Variants in RANBP17 observed in about 807,000 individuals in gnomAD.
RANBP17 encodes the protein RAN binding protein 17.
Under a neutral mutation model 141.2 loss-of-function variants are expected in RANBP17, and 158 were observed. The observed-to-expected ratio is 1.12, with a 90% CI of 0.98 to 1.28. The LOEUF (loss-of-function observed/expected upper bound fraction) is 1.28. RANBP17 is among the 50% of genes most tolerant of loss of function. RANBP17 has a pLI of 0.00. For missense variants in RANBP17, 1,438 were observed against 1,290.7 expected, an observed-to-expected ratio of 1.11 and a Z score of -1.75; for synonymous variants, 430 against 450.0, an observed-to-expected ratio of 0.96 and a Z score of 0.56.
chr5:171,229,080 C>T (rs1347964202), intron 22 of RANBP17, among the ~76,000 whole-genome samples: 1 of 152,148 alleles, frequency 6.6e-6, no homozygotes. Context: ...CTAAATAATT[C>T]ATTGGTCTTG....
intron 14 of RANBP17, among the ~76,000 whole-genome samples, chr5:170,999,155 C>T (rs1348903138): frequency 6.6e-6 from 1 of 151,872 alleles, no homozygotes; most frequent in Non-Finnish European, 1.5e-5. Flanking sequence ...TAAATCATTG[C>T]ATTAATTGAT....
At chr5:170,896,003 C>G (rs1369297767) in intron 4 of RANBP17, 47 bp from the exon 5 acceptor site, 2 of 1,175,248 alleles carry the variant, frequency 1.7e-6, no homozygotes, top group Non-Finnish European at 2.4e-6. Flanking sequence ...CATTAAGAAC[C>G]AATCACTTGT....
At chr5:170,953,506 A>G (rs1775364535) in intron 12 of RANBP17, 91 bp from the exon 13 acceptor site, 2 of 753,720 alleles carry the variant, frequency 2.7e-6, no homozygotes, top group Non-Finnish European at 4.5e-6. Flanking sequence ...TTGGAAGAAC[A>G]GATCATTGTG....
At chr5:171,238,816 T>G (rs1764697226) in intron 22 of RANBP17, among the ~76,000 whole-genome samples, 1 of 152,206 alleles carries the variant, frequency 6.6e-6, no homozygotes, top group Admixed American at 6.5e-5. Context: ...ATGTGGCAAC[T>G]TCAATTATCC....
intron 14 of RANBP17, among the ~76,000 whole-genome samples, chr5:171,068,011 T>A (rs1173106532): frequency 6.6e-6 from 1 of 152,106 alleles, no homozygotes; most frequent in East Asian, 1.9e-4. Context: ...ATTCTCATAA[T>A]GTGTAAGTTG....
intron 12 of RANBP17, among the ~76,000 whole-genome samples, chr5:170,933,820 T>A (rs1428716251): frequency 2.6e-5 from 4 of 152,120 alleles, no homozygotes; most frequent in African/African-American, 9.7e-5. Context: ...TGCTGAGGAG[T>A]GCTTTACTTC....
chr5:171,039,708 G>A (rs1902791), intron 14 of RANBP17, among the ~76,000 whole-genome samples: 104,388 of 151,826 alleles, frequency 0.69, 36,047 homozygotes, highest in South Asian at 0.89. Context: ...ATCTGATCCC[G>A]GAAAAATACA....
rs550651870 is a variant in RANBP17, at chr5:171,004,768, G to A, written c.1710+36391G>A. 2.6e-5 allele frequency among the ~76,000 whole-genome samples: 4 copies of A among 152,246 alleles called. No individual in the cohort carries two copies. In the South Asian group the frequency reaches 8.3e-4, roughly 32 times the overall value. On this transcript the variant is annotated intron_variant, in intron 14 of 27. Coordinates refer to ENST00000523189, the MANE Select transcript of RANBP17 (RefSeq NM_022897.5). The stretch of plus-strand genomic sequence containing the variant: ...TCGGACAGTCTGACCTCCAGCGGGG[G>A]CCCACACAGACAGGGCACGGCTTAG...
At chr5:170,998,001 G>A (rs1778935079) in intron 14 of RANBP17, among the ~76,000 whole-genome samples, 1 of 151,588 alleles carries the variant, frequency 6.6e-6, no homozygotes, top group Admixed American at 6.6e-5. Context: ...TGTAATCCCA[G>A]CACTTTGGGA....
At chr5:170,967,950 T>C (rs1357165716) in intron 13 of RANBP17, among the ~76,000 whole-genome samples, 1 of 151,852 alleles carries the variant, frequency 6.6e-6, no homozygotes, top group African/African-American at 2.4e-5. Flanking sequence ...ATGCCATGCA[T>C]TTATTTTATC....
intron 12 of RANBP17, among the ~76,000 whole-genome samples, chr5:170,939,063 T>A (rs1774113443): frequency 6.6e-6 from 1 of 151,988 alleles, no homozygotes; most frequent in South Asian, 2.1e-4. Context: ...TAAACTGGAC[T>A]GATAACTCAA....
intron 14 of RANBP17, among the ~76,000 whole-genome samples, chr5:171,020,156 T>A (rs192768582): frequency 6.6e-6 from 1 of 152,332 alleles, no homozygotes; most frequent in East Asian, 1.9e-4. Flanking sequence ...TTCCGTTCTT[T>A]TGCATTTGCT....
chr5:171,273,128 T>C (rs1767233254), intron 25 of RANBP17, among the ~76,000 whole-genome samples: 1 of 152,240 alleles, frequency 6.6e-6, no homozygotes, highest in Admixed American at 6.5e-5. Flanking sequence ...TGTGAAATGA[T>C]GATAGGGAAG....
intron 14 of RANBP17, among the ~76,000 whole-genome samples, chr5:170,972,504 A>G (rs1419977681): frequency 1.3e-5 from 2 of 151,820 alleles, no homozygotes; most frequent in African/African-American, 4.8e-5. Context: ...TTTTTTTATT[A>G]CCATTTTTGA....
intron 14 of RANBP17, among the ~76,000 whole-genome samples, chr5:171,083,763 C>G (rs895064362): frequency 2.6e-5 from 4 of 152,020 alleles, no homozygotes; most frequent in Admixed American, 2.0e-4. Context: ...CCATGCTGTT[C>G]TCATGATAGC....
At chr5:171,141,262 G>T (rs1757671444) in intron 14 of RANBP17, among the ~76,000 whole-genome samples, 1 of 151,970 alleles carries the variant, frequency 6.6e-6, no homozygotes, top group South Asian at 2.1e-4. Flanking sequence ...GTTCAATTGA[G>T]TTAGTATTTA....
intron 12 of RANBP17, among the ~76,000 whole-genome samples, chr5:170,934,062 G>A (rs10054277): frequency 0.61 from 93,042 of 151,868 alleles, 29,899 homozygotes; most frequent in South Asian, 0.88. Context: ...TCTCTTTTTA[G>A]GTCTCTCAGG....
intron 7 of RANBP17, 124 bp downstream of exon 7, chr5:170,911,258 C>A (rs1294116875): frequency 2.7e-6 from 2 of 746,466 alleles, no homozygotes; most frequent in African/African-American, 1.8e-5. Context: ...GGATTTGTAA[C>A]CTGAAGTAGC....
At chr5:171,192,028 G>GT (rs1761684121) in intron 18 of RANBP17, among the ~76,000 whole-genome samples, 1 of 152,166 alleles carries the variant, frequency 6.6e-6, no homozygotes. Flanking sequence ...GTCAAATGTA[G>GT]TTTTTAAAAT....
Sources: allele counts gnomAD v4.1 joint callset (sites outside exome capture counted in the v4.1 genomes callset), GRCh38; gene constraint gnomAD v4.1.1; transcripts MANE v1.5; gene names NCBI Gene and HGNC (gene_info 2026-07-23, HGNC 2026-07-21).